Variants in EBPL observed in about 807,000 individuals in gnomAD.
The protein encoded by EBPL is emopamil-binding protein-like.
Under a neutral mutation model 19.0 loss-of-function variants are expected in EBPL, and 20 were observed. That is an observed-to-expected ratio of 1.05 (90% CI 0.74 to 1.53). The LOEUF is 1.53. Among genes scored for constraint, EBPL ranks in the 40% most tolerant of loss-of-function variants. The pLI is 0.00. For synonymous variants in EBPL, 107 were observed against 117.0 expected (o/e 0.91, Z 0.55); for missense variants, 219 against 261.1 (o/e 0.84, Z 1.11).
chr13:49,663,933 A>C (rs1207694551), intron 2 of EBPL, among the ~76,000 whole-genome samples: 4 of 142,264 alleles, frequency 2.8e-5, no homozygotes, highest in Admixed American at 2.1e-4. Flanking sequence ...TCAAAAAAAA[A>C]AAAACAAAAA....
chr13:49,683,253 G>A (rs1292554681), intron 1 of EBPL, among the ~76,000 whole-genome samples: 2 of 151,946 alleles, frequency 1.3e-5, no homozygotes, highest in Non-Finnish European at 2.9e-5. Flanking sequence ...GAGATTACAA[G>A]CCTGAGCTCA....
At chr13:49,672,679 G>A (rs1323113151) in intron 1 of EBPL, among the ~76,000 whole-genome samples, 1 of 152,184 alleles carries the variant, frequency 6.6e-6, no homozygotes, top group Non-Finnish European at 1.5e-5. Flanking sequence ...TGGCAAATAA[G>A]CACATGGAAA....
At chr13:49,683,160 A>G (rs1259615537) in intron 1 of EBPL, among the ~76,000 whole-genome samples, 9 of 151,962 alleles carry the variant, frequency 5.9e-5, no homozygotes, top group Admixed American at 5.9e-4. Flanking sequence ...TTTTTAGTAG[A>G]GACGGGGTTT....
intron 1 of EBPL, among the ~76,000 whole-genome samples, chr13:49,689,668 T>C (rs924862882): frequency 6.6e-6 from 1 of 151,904 alleles, no homozygotes; most frequent in African/African-American, 2.4e-5. Flanking sequence ...TTTATATATA[T>C]ACATTCTGAT....
chr13:49,669,987 C>T, intron 1 of EBPL, 141 bp from the exon 2 acceptor site: 2 of 674,486 alleles, frequency 3.0e-6, no homozygotes, highest in South Asian at 1.8e-5. Context: ...AACATCCATA[C>T]AACCTTGTGG....
intron 1 of EBPL, among the ~76,000 whole-genome samples, chr13:49,681,104 T>TAA (rs899211202): frequency 6.6e-6 from 1 of 152,192 alleles, no homozygotes; most frequent in African/African-American, 2.4e-5. Flanking sequence ...TCATAATACT[T>TAA]ATTTAAGTTC....
chr13:49,689,532 A>G (rs1954037571), intron 1 of EBPL, among the ~76,000 whole-genome samples: 1 of 152,090 alleles, frequency 6.6e-6, no homozygotes, highest in Non-Finnish European at 1.5e-5. Flanking sequence ...TATATTTAGT[A>G]CAGACGGGGT....
At chr13:49,672,050 T>C (rs1353102668) in intron 1 of EBPL, among the ~76,000 whole-genome samples, 2 of 152,182 alleles carry the variant, frequency 1.3e-5, no homozygotes, top group Admixed American at 6.5e-5. Context: ...AAATCTCCCA[T>C]GTGGCTAAGT....
intron 2 of EBPL, among the ~76,000 whole-genome samples, chr13:49,664,298 G>A (rs1248518883): frequency 6.6e-6 from 1 of 152,188 alleles, no homozygotes; most frequent in Non-Finnish European, 1.5e-5. Flanking sequence ...ACTAGGTGCT[G>A]AAGGGACAGT....
intron 1 of EBPL, among the ~76,000 whole-genome samples, chr13:49,677,765 TTG>T (rs1379240149): frequency 5.9e-5 from 9 of 152,072 alleles, no homozygotes; most frequent in African/African-American, 1.9e-4. Flanking sequence ...AATACAAATA[TTG>T]TGTCTGGAAT....
intron 1 of EBPL, among the ~76,000 whole-genome samples, chr13:49,689,289 G>A (rs766397809): frequency 6.6e-6 from 1 of 152,182 alleles, no homozygotes; most frequent in Non-Finnish European, 1.5e-5. Context: ...ACCAAGTGGT[G>A]AACACACGCA....
In EBPL at chr13:49,691,253, C is replaced by T. The variant is rs1450453783; in HGVS notation, c.171+1G>A. On this transcript the variant is annotated splice_donor_variant, in intron 1 of 3. Coordinates refer to ENST00000242827, the MANE Select transcript of EBPL (RefSeq NM_032565.5). LOFTEE classifies it high-confidence loss of function. ...TGCAGGGTCTAGGCGATGGCACTTA[C>T]CAGCGCGAAGTGCACCAGCGCGTCG... 7.2e-7 allele frequency: 1 copy of T among 1,386,182 alleles called. No homozygotes were observed. Among genetic ancestry groups the T allele is most frequent in the Non-Finnish European group, 9.4e-7 (1 of 1,068,172 alleles). The allele number at this position is 1,386,182 out of a possible 1,614,324, so 85.9% of individuals were successfully genotyped here.
rs1240869715 is a variant in EBPL at position 49,691,464 on chromosome 13, C to A, written c.-40G>T. On this transcript the variant is annotated 5_prime_UTR_variant, in exon 1 of 4. Coordinates refer to ENST00000242827, the MANE Select transcript of EBPL (RefSeq NM_032565.5). ...ACGCCAACGGCCCAGGACCATGCGG[C>A]AGAGGAAAGCAGGGAGAGAAACGAC... 3 of 1,289,252 alleles carry A rather than the reference C, an allele frequency of 2.3e-6. No individual in the cohort carries two copies. In the African/African-American group the frequency reaches 4.6e-5, roughly 20 times the overall value. 79.9% of individuals were successfully genotyped at this position (1,289,252 alleles called of 1,614,324 possible). A position where few individuals can be genotyped will look rare whatever the true frequency, so the allele number is the denominator to read the frequency against.
At chr13:49,669,639 A>T in intron 2 of EBPL, 138 bp downstream of exon 2, 1 of 730,318 alleles carries the variant, frequency 1.4e-6, no homozygotes, top group Non-Finnish European at 2.2e-6. Flanking sequence ...CCAGTAATCT[A>T]CAGTATCTCT....
At chr13:49,671,479 T>C (rs753828777) in intron 1 of EBPL, among the ~76,000 whole-genome samples, 4 of 152,192 alleles carry the variant, frequency 2.6e-5, no homozygotes, top group Non-Finnish European at 4.4e-5. Context: ...AAAAATCATA[T>C]GAGAAAAATA....
intron 1 of EBPL, among the ~76,000 whole-genome samples, chr13:49,687,677 T>C (rs572569403): frequency 9.9e-5 from 15 of 152,246 alleles, no homozygotes; most frequent in African/African-American, 3.4e-4. Context: ...CACCACCAGC[T>C]CACAATAAGA....
chr13:49,685,465 G>C (rs1295329398), intron 1 of EBPL, among the ~76,000 whole-genome samples: 6 of 152,144 alleles, frequency 3.9e-5, no homozygotes, highest in Non-Finnish European at 7.4e-5. Flanking sequence ...GATCATTAAG[G>C]AAAAGACAAA....
At chr13:49,689,624 G>A (rs1954038410) in intron 1 of EBPL, among the ~76,000 whole-genome samples, 1 of 152,162 alleles carries the variant, frequency 6.6e-6, no homozygotes, top group South Asian at 2.1e-4. Context: ...TGGGATTACA[G>A]GCATGAGCCA....
At position 49,675,332 on chromosome 13, in the gene EBPL, G is replaced by T. The variant is rs887746472; in HGVS notation, c.172-5486C>A. Among the ~76,000 whole-genome samples, 3 of 152,332 alleles carry T rather than the reference G, an allele frequency of 2.0e-5. No individual in the cohort carries two copies. The East Asian group carries it at 5.8e-4, about 29-fold the overall frequency. The stretch of plus-strand genomic sequence containing the variant: ...TGCACTGCACTACAACATTATGACA[G>T]CTATGATGTCTCTAGACAATAGGAA... On this transcript the variant is annotated intron_variant, in intron 1 of 3. Transcript: ENST00000242827.
Sources: allele counts gnomAD v4.1 joint callset (sites outside exome capture counted in the v4.1 genomes callset), GRCh38; gene constraint gnomAD v4.1.1; transcripts MANE v1.5; gene names NCBI Gene and HGNC (gene_info 2026-07-23, HGNC 2026-07-21).